MYCT1: variants seen among roughly 807,000 people sequenced by gnomAD.
MYCT1 encodes the protein myc target protein 1.
MYCT1 carries 12 observed loss-of-function variants against 15.0 expected under a neutral mutation model. The observed-to-expected ratio is 0.80, with a 90% CI of 0.51 to 1.29. The LOEUF is 1.29. Ranked by LOEUF, MYCT1 falls within the 50% of genes most tolerant of loss-of-function variation. The pLI is 0.00. For missense variants in MYCT1, 287 were observed against 279.1 expected, an observed-to-expected ratio of 1.03 and a Z score of -0.20; for synonymous variants, 104 against 102.7, an observed-to-expected ratio of 1.01 and a Z score of -0.07.
At chr6:152,716,308 C>T (rs924134195) in intron 1 of MYCT1, among the ~76,000 whole-genome samples, 15 of 152,158 alleles carry the variant, frequency 9.9e-5, no homozygotes, top group African/African-American at 2.9e-4. Context: ...AAGCCCTTTT[C>T]GTCAAAAGTA....
chr6:152,720,020 G>A (rs1210625173), intron 1 of MYCT1, among the ~76,000 whole-genome samples: 1 of 152,000 alleles, frequency 6.6e-6, no homozygotes, highest in African/African-American at 2.4e-5. Flanking sequence ...CAATCCTGTG[G>A]ATTGGTAATT....
At chr6:152,706,913 T>C (rs191167120) in intron 1 of MYCT1, among the ~76,000 whole-genome samples, 1 of 151,732 alleles carries the variant, frequency 6.6e-6, no homozygotes, top group African/African-American at 2.4e-5. Context: ...ATTCATCTGA[T>C]GATGGACACT....
chr6:152,733,991 C>G, the MYCT1 span, among the ~76,000 whole-genome samples: 1 of 151,954 alleles, frequency 6.6e-6, no homozygotes, highest in African/African-American at 2.4e-5. Context: ...GGCATACAGA[C>G]AGTCTTGCCT....
chr6:152,698,036 T>G lies in MYCT1; in HGVS notation c.134T>G (p.Leu45Arg). The change falls in exon 1 of 2, where the codon CTT (leucine) becomes CGT (arginine). Residue 45 changes from leucine to arginine, a missense_variant. Transcript: ENST00000367245. The stretch of plus-strand genomic sequence containing the variant: ...GTTTTTCTTCTCTTTCTTCTATTTC[T>G]TGTGGATATTATGGCTAATAACACA... The part of the protein sequence containing the change: ...LSVFLLFLLF[L>R]VDIMANNTTS... 3 of 1,610,406 alleles carry G rather than the reference T, an allele frequency of 1.9e-6. No homozygotes were observed. In the South Asian group the frequency reaches 3.3e-5, roughly 18 times the overall value.
the MYCT1 span, among the ~76,000 whole-genome samples, chr6:152,733,194 C>T: frequency 6.6e-6 from 1 of 151,900 alleles, no homozygotes; most frequent in African/African-American, 2.4e-5. Context: ...ACCTTCACCT[C>T]CTGGGCTCAG....
At position 152,724,515 on chromosome 6, in the gene MYCT1, T is replaced by C. The variant is rs372910468; in HGVS notation, c.*2262T>C. On this transcript the variant is annotated 3_prime_UTR_variant, in exon 2 of 2. Coordinates refer to ENST00000367245, the MANE Select transcript of MYCT1 (RefSeq NM_025107.3). ...GCAAAAACTGGAGACTTTTAATGTATTTCTTTAATTTGAAATGTTTTGTGG... is the reference window on the plus strand; with the variant it reads ...GCAAAAACTGGAGACTTTTAATGTACTTCTTTAATTTGAAATGTTTTGTGG... The C allele has an allele frequency of 8.5e-5, 13 of 152,292 alleles. 1 individual carries two copies. Among genetic ancestry groups the C allele is most frequent in the East Asian group, 5.8e-4 (3 of 5,192 alleles). 9.4% of individuals were successfully genotyped at this position (152,292 alleles called of 1,614,324 possible).
intron 1 of MYCT1, among the ~76,000 whole-genome samples, chr6:152,719,725 T>C (rs1317835702): frequency 1.3e-5 from 2 of 152,216 alleles, no homozygotes; most frequent in Non-Finnish European, 2.9e-5. Context: ...CAGCAGTGAT[T>C]ATTCCTTTGT....
At chr6:152,743,055 T>A in the MYCT1 span, among the ~76,000 whole-genome samples, 68 of 151,918 alleles carry the variant, frequency 4.5e-4, no homozygotes, top group Middle Eastern at 3.4e-3. Context: ...ATTTTGTAGT[T>A]GTTGTTGTTG....
At chr6:152,718,446 G>A (rs944906273) in intron 1 of MYCT1, among the ~76,000 whole-genome samples, 1 of 151,936 alleles carries the variant, frequency 6.6e-6, no homozygotes, top group African/African-American at 2.4e-5. Flanking sequence ...TGTAGAGACA[G>A]GTCCCATTAT....
At chr6:152,725,324 C>A (rs1229041625), downstream of MYCT1, among the ~76,000 whole-genome samples, 2 of 152,266 alleles carry the variant, frequency 1.3e-5, no homozygotes, top group Non-Finnish European at 2.9e-5. Flanking sequence ...CCAAAACAAG[C>A]AATTCACCAA....
Position 152,700,797 on chromosome 6 carries a change from T to C in MYCT1, c.196+2699T>C, listed in dbSNP as rs1487129848. On this transcript the variant is annotated intron_variant, in intron 1 of 1. Transcript: ENST00000367245. ...AGTCCTGTAGAAGACGTAGTTTTGG[T>C]TGTTTCTGCTGTCTTGCTTTGCATT... 2.0e-5 allele frequency among the ~76,000 whole-genome samples: 3 copies of C among 152,274 alleles called. No homozygotes were observed. In the East Asian group the frequency reaches 5.8e-4, roughly 29 times the overall value.
the MYCT1 span, among the ~76,000 whole-genome samples, chr6:152,729,862 T>C: frequency 6.5e-4 from 99 of 152,248 alleles, no homozygotes; most frequent in Middle Eastern, 3.4e-3. Context: ...GTAGATCCAG[T>C]GGCCTTTGCA....
the MYCT1 span, among the ~76,000 whole-genome samples, chr6:152,745,270 C>T: frequency 1.3e-5 from 2 of 152,144 alleles, no homozygotes; most frequent in East Asian, 3.9e-4. Context: ...TCACAGGCCA[C>T]AGAGTAAAAT....
At chr6:152,713,844 A>G (rs1043209122) in intron 1 of MYCT1, among the ~76,000 whole-genome samples, 4 of 152,012 alleles carry the variant, frequency 2.6e-5, no homozygotes, top group African/African-American at 9.7e-5. Flanking sequence ...CAGGTTTTCG[A>G]CTGTAGCTTT....
At chr6:152,744,033 C>T in the MYCT1 span, among the ~76,000 whole-genome samples, 3 of 152,152 alleles carry the variant, frequency 2.0e-5, no homozygotes, top group African/African-American at 7.2e-5. Context: ...TGCCTCAAGT[C>T]TCCTTCCCAA....
At chr6:152,733,458 C>G in the MYCT1 span, among the ~76,000 whole-genome samples, 5 of 152,320 alleles carry the variant, frequency 3.3e-5, no homozygotes, top group African/African-American at 9.6e-5. Context: ...CAACTGGTGT[C>G]TCTTTATCAG....
chr6:152,746,621 A>G, the MYCT1 span, among the ~76,000 whole-genome samples: 18 of 152,230 alleles, frequency 1.2e-4, no homozygotes, highest in Non-Finnish European at 2.4e-4. Flanking sequence ...GACATTGTGA[A>G]GTAGGTAAAA....
At chr6:152,702,272 C>A (rs2099721448) in intron 1 of MYCT1, among the ~76,000 whole-genome samples, 1 of 152,086 alleles carries the variant, frequency 6.6e-6, no homozygotes, top group African/African-American at 2.4e-5. Flanking sequence ...TTCTTAAGTC[C>A]TTTAGGCTGT....
At chr6:152,735,643 A>T in the MYCT1 span, among the ~76,000 whole-genome samples, 1 of 152,186 alleles carries the variant, frequency 6.6e-6, no homozygotes, top group Non-Finnish European at 1.5e-5. Flanking sequence ...GAGATTTTGC[A>T]ATCACCAATG....
Sources: allele counts gnomAD v4.1 joint callset (sites outside exome capture counted in the v4.1 genomes callset), GRCh38; gene constraint gnomAD v4.1.1; transcripts MANE v1.5; gene names NCBI Gene and HGNC (gene_info 2026-07-23, HGNC 2026-07-21).